The following SDK1 variants were observed in gnomAD, a reference collection of about 807,000 sequenced individuals.
The protein encoded by SDK1 is protein sidekick-1.
A neutral mutation model predicts 245.5 loss-of-function variants in SDK1; 157 were observed. That is an observed-to-expected ratio of 0.64 (90% CI 0.56 to 0.73). The LOEUF is 0.73. Ranked by LOEUF, SDK1 falls within the 30% of genes least tolerant of loss-of-function variation. The pLI is 0.00. For synonymous variants in SDK1, 1,647 were observed against 1,278.5 expected (o/e 1.29, Z -6.15); for missense variants, 3,583 against 3,002.3 (o/e 1.19, Z -4.52).
chr7:3,323,799 G>C (rs972420051), intron 1 of SDK1, among the ~76,000 whole-genome samples: 1 of 152,180 alleles, frequency 6.6e-6, no homozygotes, highest in African/African-American at 2.4e-5. Context: ...CTCATCTTTA[G>C]TTACAGGTTC....
At chr7:4,116,887 A>C (rs1783749751) in intron 25 of SDK1, among the ~76,000 whole-genome samples, 1 of 152,218 alleles carries the variant, frequency 6.6e-6, no homozygotes, top group Admixed American at 6.5e-5. Flanking sequence ...CCCAAGCAGC[A>C]GGGCTGGGCC....
intron 4 of SDK1, among the ~76,000 whole-genome samples, chr7:3,728,724 G>A (rs985130365): frequency 1.3e-5 from 2 of 152,122 alleles, no homozygotes; most frequent in African/African-American, 4.8e-5. Context: ...TCCTGCCTCA[G>A]CCTCCCAAGT....
At chr7:3,735,411 CAG>C (rs901816305) in intron 4 of SDK1, among the ~76,000 whole-genome samples, 4 of 152,152 alleles carry the variant, frequency 2.6e-5, no homozygotes, top group South Asian at 2.1e-4. Context: ...TAAGTGAAGG[CAG>C]AGAGTATTTT....
chr7:3,485,815 T>C (rs183174529), intron 1 of SDK1, among the ~76,000 whole-genome samples: 1 of 151,856 alleles, frequency 6.6e-6, no homozygotes, highest in East Asian at 1.9e-4. Flanking sequence ...CTTATTATAT[T>C]TATGAATCCA....
rs55771776 is a variant in SDK1 at position 3,694,577 on chromosome 7, T to TGG, written c.713+52479_713+52480dup. Among the ~76,000 whole-genome samples, 1,194 of 150,772 alleles carry TGG rather than the reference T, an allele frequency of 7.9e-3. 10 individuals carry two copies. The highest frequency in any genetic ancestry group is 0.019 in the East Asian group (99 of 5,116). ...TCTGGAAAGAATGTATTTATGTTGG[T>TGG]GGGGGGGGAAAAGCATATGAAATTG... is the stretch of plus-strand genomic sequence containing the variant. On this transcript the variant is annotated intron_variant, in intron 4 of 44. Transcript: ENST00000404826.
At chr7:3,490,406 C>T (rs17133429) in intron 1 of SDK1, among the ~76,000 whole-genome samples, 15,537 of 152,096 alleles carry the variant, frequency 0.1, 1,211 homozygotes, top group African/African-American at 0.21. Context: ...GCACTGTATC[C>T]GGTGTGAAAT....
At chr7:3,713,464 C>T (rs1231421416) in intron 4 of SDK1, among the ~76,000 whole-genome samples, 4 of 152,264 alleles carry the variant, frequency 2.6e-5, no homozygotes, top group East Asian at 1.9e-4. Context: ...TTGCTTCCCA[C>T]GGGAATGGCT....
intron 5 of SDK1, among the ~76,000 whole-genome samples, chr7:3,911,145 A>T (rs1779148925): frequency 6.6e-6 from 1 of 152,138 alleles, no homozygotes; most frequent in African/African-American, 2.4e-5. Flanking sequence ...AGGACACATA[A>T]AAAAAATTAC....
intron 1 of SDK1, among the ~76,000 whole-genome samples, chr7:3,423,882 G>A (rs1182583901): frequency 6.6e-6 from 1 of 151,494 alleles, no homozygotes; most frequent in African/African-American, 2.4e-5. Flanking sequence ...TAAATGTTCT[G>A]AACATTAAAC....
At chr7:3,600,882 A>T (rs921046554) in intron 1 of SDK1, among the ~76,000 whole-genome samples, 2 of 152,112 alleles carry the variant, frequency 1.3e-5, no homozygotes, top group African/African-American at 4.8e-5. Flanking sequence ...TTTAAATAAG[A>T]TTGACAGAAC....
At chr7:3,489,939 A>G (rs1228726930) in intron 1 of SDK1, among the ~76,000 whole-genome samples, 1 of 152,212 alleles carries the variant, frequency 6.6e-6, no homozygotes, top group Non-Finnish European at 1.5e-5. Flanking sequence ...CACATAAAAT[A>G]GTCAAAGGCT....
intron 38 of SDK1, among the ~76,000 whole-genome samples, chr7:4,212,544 G>C (rs1287091022): frequency 6.6e-6 from 1 of 152,192 alleles, no homozygotes. Flanking sequence ...TGGCCACTTC[G>C]AGGGGCGGCC....
intron 28 of SDK1, among the ~76,000 whole-genome samples, chr7:4,143,241 C>G (rs937042600): frequency 2.0e-5 from 3 of 152,114 alleles, no homozygotes; most frequent in African/African-American, 4.8e-5. Flanking sequence ...TGGACAGGTC[C>G]GGGGAATAAG....
chr7:3,663,307 G>T (rs768276191), intron 4 of SDK1, among the ~76,000 whole-genome samples: 77 of 152,318 alleles, frequency 5.1e-4, no homozygotes, highest in Non-Finnish European at 9.1e-4. Flanking sequence ...TTTCAAGTGG[G>T]ATAATTGTAG....
chr7:4,130,217 T>A, intron 27 of SDK1, 120 bp downstream of exon 27: 1 of 1,156,014 alleles, frequency 8.7e-7, no homozygotes, highest in Non-Finnish European at 1.2e-6. Flanking sequence ...CTTTTGCAGT[T>A]GAGGGAAACA....
At chr7:3,602,239 T>C (rs990249183) in intron 1 of SDK1, among the ~76,000 whole-genome samples, 54 of 151,726 alleles carry the variant, frequency 3.6e-4, no homozygotes, top group African/African-American at 9.7e-4. Context: ...TCTAGATCCC[T>C]GAGGAATCGC....
intron 4 of SDK1, among the ~76,000 whole-genome samples, chr7:3,666,534 C>G (rs1404852519): frequency 1.3e-5 from 2 of 152,164 alleles, no homozygotes; most frequent in African/African-American, 2.4e-5. Context: ...CTGGCGACAC[C>G]TCTCCCTGTT....
intron 1 of SDK1, among the ~76,000 whole-genome samples, chr7:3,350,920 G>C (rs1396462544): frequency 5.3e-5 from 8 of 152,182 alleles, no homozygotes; most frequent in Non-Finnish European, 1.5e-5. Flanking sequence ...TTTATATTTT[G>C]AGCTGGGTAT....
chr7:3,980,036 ACT>A (rs1783273812), intron 13 of SDK1, among the ~76,000 whole-genome samples: 1 of 152,246 alleles, frequency 6.6e-6, no homozygotes, highest in East Asian at 1.9e-4. Flanking sequence ...AGAATTTAAT[ACT>A]GTTTCCCCCA....
Sources: allele counts gnomAD v4.1 joint callset (sites outside exome capture counted in the v4.1 genomes callset), GRCh38; gene constraint gnomAD v4.1.1; transcripts MANE v1.5; gene names NCBI Gene and HGNC (gene_info 2026-07-23, HGNC 2026-07-21).